Variants in ZNF225 observed in about 807,000 individuals in gnomAD.
The protein encoded by ZNF225 is zinc finger protein 225.
A neutral mutation model predicts 12.0 loss-of-function variants in ZNF225; 6 were observed. The ratio of observed to expected loss-of-function variants is 0.50; its 90% CI spans 0.27 to 0.98. The LOEUF is 0.98. ZNF225 is among the 50% of genes least tolerant of loss of function. ZNF225 has a pLI of 0.11. For synonymous variants in ZNF225, 271 were observed against 283.2 expected (o/e 0.96, Z 0.43); for missense variants, 763 against 848.2 (o/e 0.90, Z 1.25).
Position 44,118,536 on chromosome 19 carries a change from G to T in ZNF225, c.197G>T (p.Trp66Leu). 6.2e-7 allele frequency: 1 copy of T among 1,613,302 alleles called. No homozygotes were observed. Among genetic ancestry groups the T allele is most frequent in the Non-Finnish European group, 8.5e-7 (1 of 1,179,504 alleles). The change falls in exon 4 of 5, where the codon TGG becomes TTG. Residue 66 changes from tryptophan to leucine, a missense_variant. Coordinates refer to ENST00000262894, the MANE Select transcript of ZNF225 (RefSeq NM_013362.4). ...TFHFLKEEKFWMMETATQREG... is the reference protein window; with the variant it reads ...TFHFLKEEKFLMMETATQREG... ...CACTTCCTAAAGGAAGAAAAGTTTT[G>T]GATGATGGAGACAGCAACCCAAAGA...
In ZNF225 at chr19:44,132,519, G is replaced by T; in HGVS notation, c.1905G>T (p.Trp635Cys). Reference protein sequence around the residue: ...KCEKCGKSFRWASTHLTHQRL... With the variant: ...KCEKCGKSFRCASTHLTHQRL... ...AGAAGTGTGGAAAGAGCTTCAGATGGGCCTCAACTCATCTAACCCATCAGA... is the reference window on the plus strand; with the variant it reads ...AGAAGTGTGGAAAGAGCTTCAGATGTGCCTCAACTCATCTAACCCATCAGA... The change falls in exon 5 of 5, where the codon TGG becomes TGT. Residue 635 changes from tryptophan (W) to cysteine (C), a missense_variant. Coordinates refer to ENST00000262894, the MANE Select transcript of ZNF225 (RefSeq NM_013362.4). 2 of 1,614,020 alleles carry T rather than the reference G, an allele frequency of 1.2e-6. No homozygotes were observed. Among genetic ancestry groups the T allele is most frequent in the Non-Finnish European group, 1.7e-6 (2 of 1,179,968 alleles).
chr19:44,129,968 TTCATA>T (rs1968213791), intron 4 of ZNF225: 1 of 152,244 alleles, frequency 6.6e-6, no homozygotes, highest in African/African-American at 2.4e-5. Context: ...TCACATTTGA[TTCATA>T]TTTCACTGTT....
chr19:44,127,496 G>A (rs893245464), intron 4 of ZNF225, among the ~76,000 whole-genome samples: 2 of 152,138 alleles, frequency 1.3e-5, no homozygotes, highest in Non-Finnish European at 2.9e-5. Flanking sequence ...ATTCGCAATG[G>A]GAGACTCTGT....
intron 1 of ZNF225, chr19:44,114,212 A>G: frequency 9.8e-7 from 1 of 1,022,114 alleles, no homozygotes; most frequent in South Asian, 1.3e-5. Context: ...GCAAAGCTCT[A>G]CGTGAGTGAT....
chr19:44,118,257 C>G lies in ZNF225; in HGVS notation c.85C>G (p.Gln29Glu). 8 of 1,613,478 alleles carry G rather than the reference C, an allele frequency of 5.0e-6. No individual in the cohort carries two copies. The highest frequency in any genetic ancestry group is 6.8e-6 in the Non-Finnish European group (8 of 1,179,746). The part of the protein sequence containing the change: ...EEELRLLDLA[Q>E]RKLYREVMLE... Reference sequence around the variant, plus strand: ...AGAGCTGAGGCTGCTGGACCTTGCCCAGAGGAAACTGTACCGAGAAGTGAT... The same window carrying G: ...AGAGCTGAGGCTGCTGGACCTTGCCGAGAGGAAACTGTACCGAGAAGTGAT... Residue 29 changes from glutamine (Q) to glutamate (E), a missense_variant, in exon 3 of 5, where the codon CAG becomes GAG. By Grantham distance (29) the Gln-to-Glu change is conservative. Transcript: ENST00000262894.
chr19:44,118,228 A>G lies in ZNF225; in HGVS notation c.56A>G (p.Glu19Gly), dbSNP rs1967981586. ...TFKDVAVVFTEEELRLLDLAQ... is the reference protein window; with the variant it reads ...TFKDVAVVFTGEELRLLDLAQ... ...AAGGACGTGGCTGTGGTCTTCACTG[A>G]GGAAGAGCTGAGGCTGCTGGACCTT... Residue 19 changes from glutamate (E) to glycine (G), a missense_variant, in exon 3 of 5, where the codon GAG becomes GGG. Coordinates refer to ENST00000262894, the MANE Select transcript of ZNF225 (RefSeq NM_013362.4). The G allele has an allele frequency of 1.9e-6, 3 of 1,613,174 alleles. No homozygotes were observed. The East Asian group carries it at 6.7e-5, about 36-fold the overall frequency.
chr19:44,131,309 T>C lies in ZNF225; in HGVS notation c.695T>C (p.Phe232Ser). The C allele has an allele frequency of 6.2e-7, 1 of 1,614,084 alleles. No individual in the cohort carries two copies. Among genetic ancestry groups the C allele is most frequent in the East Asian group, 2.2e-5 (1 of 44,874 alleles). ...AGAATCCACACTGGAGAGAAACCAT[T>C]CAAATGTGAGCAGTGTGGGAAAGGC... is the stretch of plus-strand genomic sequence containing the variant. ...HQRIHTGEKPFKCEQCGKGFS... is the reference protein window; with the variant it reads ...HQRIHTGEKPSKCEQCGKGFS... Residue 232 changes from phenylalanine (F) to serine (S), a missense_variant, in exon 5 of 5, where the codon TTC becomes TCC. Phe to Ser is a radical substitution (Grantham distance 155). Coordinates refer to ENST00000262894, the MANE Select transcript of ZNF225 (RefSeq NM_013362.4).
intron 1 of ZNF225, among the ~76,000 whole-genome samples, chr19:44,114,928 A>G (rs1182410177): frequency 1.3e-5 from 2 of 151,530 alleles, no homozygotes; most frequent in Non-Finnish European, 2.9e-5. Flanking sequence ...TCCGCATTGT[A>G]AAATTATTTT....
intron 4 of ZNF225, among the ~76,000 whole-genome samples, chr19:44,126,837 T>C (rs151086133): frequency 8.9e-4 from 136 of 152,232 alleles, no homozygotes; most frequent in Middle Eastern, 3.4e-3. Flanking sequence ...CTGGCAGTCA[T>C]AGGCCTCACC....
chr19:44,132,379 C>T lies in ZNF225; in HGVS notation c.1765C>T (p.Leu589Phe), dbSNP rs752080075. Residue 589 changes from leucine to phenylalanine, a missense_variant, in exon 5 of 5, where the codon CTC becomes TTC. By Grantham distance (22) the Leu-to-Phe change is conservative. Coordinates refer to ENST00000262894, the MANE Select transcript of ZNF225 (RefSeq NM_013362.4). ...CTCAAGTATTTTGAATCATAAGAGA[C>T]TCCATGGTGATGAAAAGCCATTCAA... ...RASSILNHKR[L>F]HGDEKPFKCE... 4.3e-6 allele frequency: 7 copies of T among 1,613,074 alleles called. No individual in the cohort carries two copies. The highest frequency in any genetic ancestry group is 5.9e-6 in the Non-Finnish European group (7 of 1,179,730).
rs944469371 is a variant in ZNF225 at position 44,118,483 on chromosome 19, G to T, written c.144G>T (p.Gly48=). Residue 48 remains glycine, a splice_region_variant and synonymous_variant, in exon 4 of 5, where the codon GGG becomes GGT. Transcript: ENST00000262894. The part of the protein sequence containing the change: ...LENFRNLLSV[G]HQSLHRDTFH... The stretch of plus-strand genomic sequence containing the variant: ...GCACATGACTTTTCACGTTCACAGG[G>T]CATCAATCACTCCACAGAGATACTT... 6.2e-7 allele frequency: 1 copy of T among 1,613,472 alleles called. No homozygotes were observed. Among genetic ancestry groups the T allele is most frequent in the South Asian group, 1.1e-5 (1 of 91,066 alleles).
At chr19:44,124,472 A>G (rs965644694) in intron 4 of ZNF225, among the ~76,000 whole-genome samples, 10 of 152,128 alleles carry the variant, frequency 6.6e-5, no homozygotes, top group African/African-American at 2.4e-4. Flanking sequence ...ATGCTGTTGA[A>G]TAGGATGTGT....
chr19:44,112,567 C>T (rs543329368), upstream of ZNF225, among the ~76,000 whole-genome samples: 3 of 152,046 alleles, frequency 2.0e-5, no homozygotes, highest in Non-Finnish European at 4.4e-5. Context: ...ACGTTAAAAA[C>T]GTTTTGCATA....
At chr19:44,115,346 T>C in intron 1 of ZNF225, among the ~76,000 whole-genome samples, 1 of 152,218 alleles carries the variant, frequency 6.6e-6, no homozygotes, top group East Asian at 1.9e-4. Context: ...TGCTCACTTA[T>C]AGTTAATCCT....
At chr19:44,126,442 G>A (rs1968148205) in intron 4 of ZNF225, among the ~76,000 whole-genome samples, 1 of 152,146 alleles carries the variant, frequency 6.6e-6, no homozygotes, top group Admixed American at 6.5e-5. Context: ...CAGTGGAGGT[G>A]GTGGGGGTGT....
In ZNF225 at chr19:44,131,036, T is replaced by C. The variant is rs775555575; in HGVS notation, c.422T>C (p.Ile141Thr). 2.2e-5 allele frequency: 35 copies of C among 1,613,948 alleles called. No individual in the cohort carries two copies. Among genetic ancestry groups the C allele is most frequent in the Admixed American group, 3.3e-5 (2 of 60,004 alleles). ...CAGGTTGATGCAGGACTATCTATAA[T>C]TCACGTAAGACAGAAACCTTCTGAG... Reference protein sequence around the residue: ...PCQVDAGLSIIHVRQKPSEGR... With the variant: ...PCQVDAGLSITHVRQKPSEGR... The change falls in exon 5 of 5, where the codon ATT becomes ACT. Residue 141 changes from isoleucine (I) to threonine (T), a missense_variant. Coordinates refer to ENST00000262894, the MANE Select transcript of ZNF225 (RefSeq NM_013362.4).
rs779316857 is a variant in ZNF225, at chr19:44,131,015, T to C, written c.401T>C (p.Val134Ala). 20 of 1,613,886 alleles carry C rather than the reference T, an allele frequency of 1.2e-5. No homozygotes were observed. Among genetic ancestry groups the C allele is most frequent in the East Asian group, 6.7e-5 (3 of 44,876 alleles). ...FSKQDDMPCQ[V>A]DAGLSIIHVR... ...AAACAAGATGATATGCCCTGCCAGG[T>C]TGATGCAGGACTATCTATAATTCAC... The change falls in exon 5 of 5, where the codon GTT becomes GCT. Residue 134 changes from valine (V) to alanine (A), a missense_variant. Physicochemically the swap from Val to Ala is moderately conservative, Grantham distance 64. Transcript: ENST00000262894.
Position 44,118,294 on chromosome 19 carries a change from T to G in ZNF225, c.122T>G (p.Phe41Cys). ...KLYREVMLENFRNLLSVGHQS... is the reference protein window; with the variant it reads ...KLYREVMLENCRNLLSVGHQS... ...TACCGAGAAGTGATGCTGGAGAACT[T>G]CAGGAACCTGCTCTCAGTGGGTGAG... Residue 41 changes from phenylalanine (F) to cysteine (C), a missense_variant, in exon 3 of 5, where the codon TTC (phenylalanine) becomes TGC (cysteine). Physicochemically the swap from Phe to Cys is radical, Grantham distance 205. Coordinates refer to ENST00000262894, the MANE Select transcript of ZNF225 (RefSeq NM_013362.4). 6.2e-7 allele frequency: 1 copy of G among 1,613,074 alleles called. No homozygotes were observed. The highest frequency in any genetic ancestry group is 8.5e-7 in the Non-Finnish European group (1 of 1,179,590).
At chr19:44,127,198 C>G (rs1179068148) in intron 4 of ZNF225, among the ~76,000 whole-genome samples, 3 of 152,350 alleles carry the variant, frequency 2.0e-5, no homozygotes, top group African/African-American at 7.2e-5. Context: ...AGGGACCCAA[C>G]GAGGTCCCAA....
Sources: allele counts gnomAD v4.1 joint callset (sites outside exome capture counted in the v4.1 genomes callset), GRCh38; gene constraint gnomAD v4.1.1; transcripts MANE v1.5; gene names NCBI Gene and HGNC (gene_info 2026-07-23, HGNC 2026-07-21).